Variants in KAT6B observed in about 807,000 individuals in gnomAD.
KAT6B encodes histone acetyltransferase KAT6B.
In KAT6B, 10 loss-of-function variants were observed where a neutral mutation model predicts 187.5. That is an observed-to-expected ratio of 0.05 (90% CI 0.03 to 0.09). The LOEUF is 0.09. Ranked by LOEUF, KAT6B falls within the 10% of genes least tolerant of loss-of-function variation. The pLI is 1.00. For missense variants in KAT6B, 1,952 were observed against 2,558.9 expected (o/e 0.76, Z 5.12); for synonymous variants, 861 against 926.8 (o/e 0.93, Z 1.29).
At chr10:74,988,609 G>A (rs1434616003) in intron 12 of KAT6B, among the ~76,000 whole-genome samples, 2 of 152,184 alleles carry the variant, frequency 1.3e-5, no homozygotes, top group Non-Finnish European at 2.9e-5. Context: ...CAGAGTTGTA[G>A]ATTATTATTA....
rs1341160475 is a variant in KAT6B, at chr10:74,975,741, C to T, written c.1404C>T (p.Val468=). ...AGCACTATCGTCCAAGGAAAAAGGT[C>T]TCTCAGAAACAGTCATGCACTTCTC... ...FSKHYRPRKK[V]SQKQSCTSHV... The change falls in exon 8 of 18, where the codon GTC becomes GTT. Residue 468 remains valine (V), a synonymous_variant. Coordinates refer to ENST00000287239, the MANE Select transcript of KAT6B (RefSeq NM_012330.4). 1 of 1,614,080 alleles carries T rather than the reference C, an allele frequency of 6.2e-7. No homozygotes were observed. The highest frequency in any genetic ancestry group is 1.7e-5 in the Admixed American group (1 of 60,002).
intron 3 of KAT6B, among the ~76,000 whole-genome samples, chr10:74,938,839 C>T (rs556208082): frequency 2.0e-5 from 3 of 151,924 alleles, no homozygotes; most frequent in South Asian, 4.2e-4. Flanking sequence ...TGGGTTCAAG[C>T]AATTCTCGTG....
At chr10:74,839,035 C>T (rs1213785186) in intron 2 of KAT6B, among the ~76,000 whole-genome samples, 1 of 151,854 alleles carries the variant, frequency 6.6e-6, no homozygotes, top group East Asian at 2.0e-4. Flanking sequence ...CACCTGTAAT[C>T]CCAGCTACTT....
At chr10:74,856,534 A>G (rs1433505251) in intron 3 of KAT6B, among the ~76,000 whole-genome samples, 2 of 152,158 alleles carry the variant, frequency 1.3e-5, no homozygotes, top group Non-Finnish European at 2.9e-5. Context: ...GTCTTGTAGG[A>G]TGTCCCACAA....
chr10:74,881,376 A>G (rs979162135), intron 3 of KAT6B, among the ~76,000 whole-genome samples: 4 of 152,114 alleles, frequency 2.6e-5, no homozygotes, highest in African/African-American at 9.7e-5. Context: ...GTGAGGCTTC[A>G]CTGAGGTAAT....
At chr10:74,988,893 T>A (rs1335465795) in intron 12 of KAT6B, 126 bp from the exon 13 acceptor site, 4 of 766,800 alleles carry the variant, frequency 5.2e-6, no homozygotes, top group Non-Finnish European at 2.4e-6. Flanking sequence ...AGGATTTTTC[T>A]GCTTGATCCT....
chr10:74,992,458 CAGTTGGGCAGAATCATCCAACACAA>C (rs1843177993), intron 13 of KAT6B, among the ~76,000 whole-genome samples: 1 of 152,230 alleles, frequency 6.6e-6, no homozygotes, highest in African/African-American at 2.4e-5. Flanking sequence ...CATTACCCTA[CAGTTGGGCAGAATCATCCAACACAA>C]AGCCAATTCT....
chr10:74,849,737 T>G (rs1842347503), intron 3 of KAT6B, among the ~76,000 whole-genome samples: 1 of 152,272 alleles, frequency 6.6e-6, no homozygotes, highest in Non-Finnish European at 1.5e-5. Context: ...GCTTTACATT[T>G]ATTATCTCCT....
intron 12 of KAT6B, among the ~76,000 whole-genome samples, chr10:74,986,627 G>T (rs1215609004): frequency 6.6e-6 from 1 of 152,100 alleles, no homozygotes; most frequent in Non-Finnish European, 1.5e-5. Flanking sequence ...GCTTTAAAAT[G>T]AAAAAGAAGA....
intron 3 of KAT6B, among the ~76,000 whole-genome samples, chr10:74,919,218 ATATC>A (rs965851834): frequency 1.3e-5 from 2 of 152,066 alleles, no homozygotes; most frequent in South Asian, 2.1e-4. Context: ...GCAAAACTCC[ATATC>A]TATCTATCTA....
At chr10:74,954,546 T>A (rs1249523862) in intron 3 of KAT6B, among the ~76,000 whole-genome samples, 1 of 152,208 alleles carries the variant, frequency 6.6e-6, no homozygotes, top group Non-Finnish European at 1.5e-5. Flanking sequence ...ATGACTCCTA[T>A]TGGTGTAAGT....
Position 75,023,223 on chromosome 10 carries a change from C to G in KAT6B, c.3372+992C>G, listed in dbSNP as rs148553801. On this transcript the variant is annotated intron_variant, in intron 16 of 17. Transcript: ENST00000287239. ...ATCTATCTGGGACATAGAGGAGAGC[C>G]AAGACTGATAGAGATATCACAATAC... 1.0e-3 allele frequency among the ~76,000 whole-genome samples: 155 copies of G among 152,298 alleles called. 1 individual carries two copies. Among genetic ancestry groups the G allele is most frequent in the African/African-American group, 3.5e-3 (146 of 41,552 alleles).
chr10:74,870,176 G>A (rs1843815193), intron 3 of KAT6B, among the ~76,000 whole-genome samples: 2 of 152,006 alleles, frequency 1.3e-5, no homozygotes, highest in South Asian at 2.1e-4. Context: ...CGACTTGGGG[G>A]TGCTGAGGCA....
chr10:74,844,202 A>G (rs958316832), intron 3 of KAT6B, among the ~76,000 whole-genome samples: 6 of 144,440 alleles, frequency 4.2e-5, no homozygotes, highest in African/African-American at 1.3e-4. Flanking sequence ...GTGATAATCT[A>G]TGCTTTTTTT....
At chr10:74,894,848 G>A (rs182303613) in intron 3 of KAT6B, among the ~76,000 whole-genome samples, 2 of 152,038 alleles carry the variant, frequency 1.3e-5, no homozygotes, top group Non-Finnish European at 2.9e-5. Flanking sequence ...TCTACCTTTC[G>A]GCTCCTGTGA....
intron 3 of KAT6B, among the ~76,000 whole-genome samples, chr10:74,910,213 G>A (rs1386943330): frequency 3.3e-5 from 5 of 151,994 alleles, no homozygotes; most frequent in Admixed American, 1.3e-4. Flanking sequence ...CAGGAGAGTC[G>A]CTTGAACCCA....
At chr10:74,923,308 T>G (rs914251175) in intron 3 of KAT6B, among the ~76,000 whole-genome samples, 1 of 152,182 alleles carries the variant, frequency 6.6e-6, no homozygotes, top group African/African-American at 2.4e-5. Flanking sequence ...GAGCACCTGG[T>G]GTATGTCAGG....
chr10:74,864,354 C>G (rs1843406263), intron 3 of KAT6B, among the ~76,000 whole-genome samples: 1 of 152,168 alleles, frequency 6.6e-6, no homozygotes, highest in Non-Finnish European at 1.5e-5. Flanking sequence ...GATTCTCCTG[C>G]CTCAGCCTCC....
intron 4 of KAT6B, among the ~76,000 whole-genome samples, chr10:74,963,696 AGAC>A (rs1841259920): frequency 6.6e-6 from 1 of 152,218 alleles, no homozygotes. Context: ...ATATTTTAAA[AGAC>A]CACTAGTTTC....
Sources: gnomAD v4.1 joint callset for allele counts (sites outside exome capture counted in the v4.1 genomes callset) on GRCh38, gnomAD v4.1.1 for gene constraint, MANE v1.5 for transcripts, NCBI Gene and HGNC (gene_info 2026-07-23, HGNC 2026-07-21) for gene names.